Variants in EFCAB6 observed in about 807,000 individuals in gnomAD.
EFCAB6 encodes the protein EF-hand calcium-binding domain-containing protein 6.
Under a neutral mutation model 169.8 loss-of-function variants are expected in EFCAB6, and 156 were observed. That is an observed-to-expected ratio of 0.92 (90% CI 0.81 to 1.05). EFCAB6 has a LOEUF of 1.05. EFCAB6 is among the 50% of genes least tolerant of loss of function. The pLI, the probability that EFCAB6 is intolerant of heterozygous loss-of-function variation, is 0.00. For missense variants in EFCAB6, 1,800 were observed against 1,829.1 expected (o/e 0.98, Z 0.29); for synonymous variants, 698 against 676.4 (o/e 1.03, Z -0.50).
intron 21 of EFCAB6, among the ~76,000 whole-genome samples, chr22:43,610,610 G>T (rs2053233692): frequency 6.6e-6 from 1 of 152,134 alleles, no homozygotes; most frequent in African/African-American, 2.4e-5. Flanking sequence ...GCTGGCTCCT[G>T]GTCTAAGATA....
At chr22:43,796,918 C>A (rs1416057104) in intron 2 of EFCAB6, among the ~76,000 whole-genome samples, 4 of 152,168 alleles carry the variant, frequency 2.6e-5, no homozygotes, top group Non-Finnish European at 5.9e-5. Context: ...TGGATGGAAT[C>A]ATTCTCTGAA....
intron 9 of EFCAB6, among the ~76,000 whole-genome samples, chr22:43,716,390 T>C (rs759787181): frequency 6.6e-6 from 1 of 152,166 alleles, no homozygotes; most frequent in Non-Finnish European, 1.5e-5. Flanking sequence ...ACCAATGCCA[T>C]ATTGTCTTAA....
chr22:43,598,540 A>G (rs2052235702), intron 23 of EFCAB6, among the ~76,000 whole-genome samples: 1 of 152,132 alleles, frequency 6.6e-6, no homozygotes, highest in Non-Finnish European at 1.5e-5. Context: ...ATTGTTACAT[A>G]CAATTTTATA....
In EFCAB6 at chr22:43,628,536, C is replaced by T. The variant is rs2054691238; in HGVS notation, c.2233-1857G>A. Among the ~76,000 whole-genome samples, 1 of 152,142 alleles carries T rather than the reference C, an allele frequency of 6.6e-6. No individual in the cohort carries two copies. The highest frequency in any genetic ancestry group is 1.5e-5 in the Non-Finnish European group (1 of 68,016). On this transcript the variant is annotated intron_variant, in intron 19 of 31. Transcript: ENST00000262726. This position sits in a 1 kb window ranked among gnomAD's most constrained non-coding sequence, Gnocchi z 4.8. ...AGGCGCCTCTGCTCAACCCCCTTGA[C>T]TCTCCTTCTCACTCAGAGTCCAAGG...
At chr22:43,584,124 G>C (rs1881309320) in intron 24 of EFCAB6, among the ~76,000 whole-genome samples, 1 of 152,204 alleles carries the variant, frequency 6.6e-6, no homozygotes, top group South Asian at 2.1e-4. Context: ...CTGCAGGACA[G>C]AAGGTTAAAT....
At chr22:43,730,259 A>AAGGGAGGGAGGGAGGGAGGGAAGGAGGG (rs1556311607) in intron 8 of EFCAB6, among the ~76,000 whole-genome samples, 1 of 808 alleles carries the variant, frequency 1.2e-3, no homozygotes, top group Non-Finnish European at 2.3e-3. Flanking sequence ...GGGAAGGAGG[A>AAGGGAGGGAGGGAGGGAGGGAAGGAGGG]AAGGGAGCGA....
chr22:43,535,963 C>CTCACA (rs2047362333), intron 29 of EFCAB6: 1 of 152,234 alleles, frequency 6.6e-6, no homozygotes, highest in African/African-American at 2.4e-5. Context: ...GATGCTCTGA[C>CTCACA]TCACAGAAGG....
At chr22:43,592,854 T>A (rs1403930277) in intron 23 of EFCAB6, among the ~76,000 whole-genome samples, 1 of 152,162 alleles carries the variant, frequency 6.6e-6, no homozygotes, top group African/African-American at 2.4e-5. Flanking sequence ...AGATTCTGAA[T>A]CTTCAACTCA....
chr22:43,722,696 A>G (rs1461652773), intron 8 of EFCAB6, among the ~76,000 whole-genome samples: 1 of 152,202 alleles, frequency 6.6e-6, no homozygotes, highest in African/African-American at 2.4e-5. Flanking sequence ...GCAGCAATCC[A>G]ATTACTGGGC....
intron 8 of EFCAB6, among the ~76,000 whole-genome samples, chr22:43,729,206 C>A (rs925875395): frequency 6.6e-6 from 1 of 152,180 alleles, no homozygotes; most frequent in African/African-American, 2.4e-5. Flanking sequence ...GGAATCTACC[C>A]CAATGACACA....
intron 9 of EFCAB6, among the ~76,000 whole-genome samples, chr22:43,712,688 A>T (rs1231779946): frequency 6.6e-6 from 1 of 152,178 alleles, no homozygotes. Context: ...ACTTGGAGAG[A>T]GAAGCAAGAG....
intron 6 of EFCAB6, among the ~76,000 whole-genome samples, chr22:43,738,019 C>G (rs1218723750): frequency 6.6e-6 from 1 of 151,332 alleles, no homozygotes; most frequent in African/African-American, 2.4e-5. Flanking sequence ...CATACACTCA[C>G]ACACACACAC....
intron 2 of EFCAB6, among the ~76,000 whole-genome samples, chr22:43,807,059 C>T (rs1372993319): frequency 6.6e-6 from 1 of 152,182 alleles, no homozygotes; most frequent in Admixed American, 6.5e-5. Flanking sequence ...TTGGCCCCTG[C>T]TAGACAATAA....
chr22:43,667,962 C>T (rs996579806), intron 16 of EFCAB6, among the ~76,000 whole-genome samples: 8 of 152,154 alleles, frequency 5.3e-5, no homozygotes, highest in Admixed American at 6.5e-5. Flanking sequence ...ATTCCTTCCC[C>T]GCTGCGTCTC....
chr22:43,770,565 T>C (rs1258368452), intron 4 of EFCAB6, among the ~76,000 whole-genome samples: 2 of 152,200 alleles, frequency 1.3e-5, no homozygotes, highest in African/African-American at 4.8e-5. Context: ...AGGAATTAAA[T>C]GGAAATTCTA....
intron 24 of EFCAB6, among the ~76,000 whole-genome samples, chr22:43,588,930 T>C (rs953542106): frequency 6.6e-6 from 1 of 152,030 alleles, no homozygotes; most frequent in Non-Finnish European, 1.5e-5. Context: ...GACGCAGCAA[T>C]ACGATAGGCA....
chr22:43,575,560 A>G (rs1226892096), intron 26 of EFCAB6, among the ~76,000 whole-genome samples: 1 of 152,054 alleles, frequency 6.6e-6, no homozygotes, highest in Non-Finnish European at 1.5e-5. Flanking sequence ...ATAAATCTAA[A>G]ATGCATTACT....
chr22:43,677,872 T>A lies in EFCAB6; in HGVS notation c.1419+124A>T, dbSNP rs528305900. The stretch of plus-strand genomic sequence containing the variant: ...AACACTTGACCCTCACTTAAAATGA[T>A]TGAGTTGAAAACTGTAAAGTCGTTA... On this transcript the variant is annotated intron_variant, in intron 13 of 31. Transcript: ENST00000262726. 4 of 970,036 alleles carry A rather than the reference T, an allele frequency of 4.1e-6. No homozygotes were observed. The South Asian group carries it at 7.7e-5, about 19-fold the overall frequency. 60.1% of individuals were successfully genotyped at this position (970,036 alleles called of 1,614,324 possible). A position where few individuals can be genotyped will look rare whatever the true frequency, so the allele number is the denominator to read the frequency against.
At chr22:43,755,656 A>G (rs955875162) in intron 6 of EFCAB6, 110 bp downstream of exon 6, 1 of 978,724 alleles carries the variant, frequency 1.0e-6, no homozygotes. Context: ...CTATGACATG[A>G]GAACTCGGAT....
Sources: gnomAD v4.1 joint callset for allele counts (sites outside exome capture counted in the v4.1 genomes callset) on GRCh38, gnomAD v4.1.1 for gene constraint, Gnocchi (gnomAD v3.1) non-coding constraint, MANE v1.5 for transcripts, NCBI Gene and HGNC (gene_info 2026-07-23, HGNC 2026-07-21) for gene names.